Variants in AFP observed in about 807,000 individuals in gnomAD.
The protein encoded by AFP is alpha fetoprotein, also known as alpha-fetoprotein.
Under a neutral mutation model 78.9 loss-of-function variants are expected in AFP, and 64 were observed. The ratio of observed to expected loss-of-function variants is 0.81; its 90% CI spans 0.66 to 1.00. AFP has a LOEUF of 1.00. Among genes scored for constraint, AFP ranks in the 50% least tolerant of loss-of-function variants. The pLI is 0.00. For synonymous variants in AFP, 254 were observed against 243.8 expected, an observed-to-expected ratio of 1.04 and a Z score of -0.39; for missense variants, 689 against 703.8, an observed-to-expected ratio of 0.98 and a Z score of 0.24.
chr4:73,440,945 AG>A, intron 4 of AFP, 132 bp downstream of exon 4: 1 of 896,712 alleles, frequency 1.1e-6, no homozygotes, highest in Non-Finnish European at 1.7e-6. Context: ...GTGTCTGCTG[AG>A]GTCCCAGACA....
chr4:73,453,885 C>G lies in AFP; in HGVS notation c.1773C>G (p.Cys591Trp). 1 of 1,613,670 alleles carries G rather than the reference C, an allele frequency of 6.2e-7. No individual in the cohort carries two copies. Among genetic ancestry groups the G allele is most frequent in the Non-Finnish European group, 8.5e-7 (1 of 1,179,660 alleles). ...GCCAAGGCCAGGAACAGGAAGTCTGCTTTGCTGAAGAGGTACATGCAGCTC... is the reference window on the plus strand; with the variant it reads ...GCCAAGGCCAGGAACAGGAAGTCTGGTTTGCTGAAGAGGTACATGCAGCTC... The part of the protein sequence containing the change: ...KCCQGQEQEV[C>W]FAEEGQKLIS... The change falls in exon 13 of 15, where the codon TGC becomes TGG. Residue 591 changes from cysteine (C) to tryptophan (W), a missense_variant. Cys to Trp is a radical substitution (Grantham distance 215). Coordinates refer to ENST00000395792, the MANE Select transcript of AFP (RefSeq NM_001134.3).
chr4:73,444,130 G>A (rs1719753825), intron 6 of AFP, among the ~76,000 whole-genome samples: 1 of 152,044 alleles, frequency 6.6e-6, no homozygotes, highest in Non-Finnish European at 1.5e-5. Context: ...TGGAAATCTA[G>A]AATGAAGTTT....
At chr4:73,437,236 C>T (rs1560390999) in intron 2 of AFP, 25 bp downstream of exon 2, 1 of 1,561,434 alleles carries the variant, frequency 6.4e-7, no homozygotes, top group African/African-American at 1.4e-5. Context: ...TATAAATGTA[C>T]TTTAAATGTG....
chr4:73,455,010 G>A (rs940298157), intron 13 of AFP, among the ~76,000 whole-genome samples: 3 of 152,220 alleles, frequency 2.0e-5, no homozygotes, highest in East Asian at 1.9e-4. Flanking sequence ...TTGAGAATAC[G>A]CATTGATTTG....
In AFP at chr4:73,442,448, A is replaced by G. The variant is rs931224731; in HGVS notation, c.615+20A>G. 1 of 1,613,516 alleles carries G rather than the reference A, an allele frequency of 6.2e-7. No individual in the cohort carries two copies. Among genetic ancestry groups the G allele is most frequent in the Admixed American group, 1.7e-5 (1 of 60,016 alleles). ...ACAAAGGTATCATATTTGCGTGGAT[A>G]TCTGAACCAGTACTGTAGTCTATGA... On this transcript the variant is annotated intron_variant, in intron 5 of 14. Transcript: ENST00000395792.
intron 12 of AFP, 122 bp from the exon 13 acceptor site, chr4:73,453,643 A>G: frequency 9.1e-7 from 1 of 1,096,528 alleles, no homozygotes; most frequent in East Asian, 2.6e-5. Context: ...GTGTGTGGTC[A>G]GTCTGGTGAT....
chr4:73,452,675 T>A, intron 12 of AFP, 51 bp downstream of exon 12: 1 of 1,410,886 alleles, frequency 7.1e-7, no homozygotes, highest in Non-Finnish European at 9.9e-7. Flanking sequence ...CCCCAAAGAG[T>A]AACTGAGACT....
chr4:73,455,260 C>A lies in AFP; in HGVS notation c.1810C>A (p.Arg604Ser). The A allele has an allele frequency of 6.2e-7, 1 of 1,612,504 alleles. No homozygotes were observed. The highest frequency in any genetic ancestry group is 8.5e-7 in the Non-Finnish European group (1 of 1,178,920). ...GGGACAAAAACTGATTTCAAAAACT[C>A]GTGCTGCTTTGGGAGTTTAAATTAC... is the stretch of plus-strand genomic sequence containing the variant. ...EEGQKLISKT[R>S]AALGV Residue 604 changes from arginine (R) to serine (S), a missense_variant, in exon 14 of 15, where the codon CGT (arginine) becomes AGT (serine). Coordinates refer to ENST00000395792, the MANE Select transcript of AFP (RefSeq NM_001134.3).
intron 13 of AFP, among the ~76,000 whole-genome samples, chr4:73,454,808 C>A (rs1009385139): frequency 2.0e-5 from 3 of 151,872 alleles, no homozygotes; most frequent in African/African-American, 4.8e-5. Context: ...CATAGATAAC[C>A]AAATTAGATA....
intron 3 of AFP, among the ~76,000 whole-genome samples, chr4:73,438,687 G>A (rs1336480838): frequency 6.6e-6 from 1 of 152,014 alleles, no homozygotes; most frequent in African/African-American, 2.4e-5. Context: ...CACACAATGT[G>A]ACTGGCATTA....
At chr4:73,450,521 C>T in intron 10 of AFP, 94 bp from the exon 11 acceptor site, 1 of 1,565,186 alleles carries the variant, frequency 6.4e-7, no homozygotes, top group Non-Finnish European at 8.8e-7. Context: ...CTCATGTCTT[C>T]TGGCATGAGA....
Position 73,443,335 on chromosome 4 carries a change from C to T in AFP, c.616-12C>T, listed in dbSNP as rs950321629. 2.5e-6 allele frequency: 4 copies of T among 1,597,548 alleles called. No individual in the cohort carries two copies. Among genetic ancestry groups the T allele is most frequent in the Middle Eastern group, 1.7e-4 (1 of 6,038 alleles). ...ATATGCTTTCATGACATTTTGTTTCCTCTACATCTAGGCAGCAACAGTTAC... is the reference window on the plus strand; with the variant it reads ...ATATGCTTTCATGACATTTTGTTTCTTCTACATCTAGGCAGCAACAGTTAC... On this transcript the variant is annotated splice_polypyrimidine_tract_variant and intron_variant, in intron 5 of 14. Transcript: ENST00000395792.
intron 5 of AFP, among the ~76,000 whole-genome samples, chr4:73,442,883 AT>A (rs570675609): frequency 2.0e-5 from 3 of 152,034 alleles, no homozygotes; most frequent in South Asian, 2.1e-4. Context: ...AGAGAAGAAA[AT>A]TTTTTTTAGG....
At chr4:73,440,944 G>T (rs756223341) in intron 4 of AFP, 131 bp downstream of exon 4, 4 of 896,186 alleles carry the variant, frequency 4.5e-6, no homozygotes, top group Non-Finnish European at 6.7e-6. Context: ...TGTGTCTGCT[G>T]AGGTCCCAGA....
intron 5 of AFP, 58 bp from the exon 6 acceptor site, chr4:73,443,289 G>A: frequency 7.7e-7 from 1 of 1,291,752 alleles, no homozygotes. Flanking sequence ...AAATATTAGA[G>A]CTTGTAAAGA....
chr4:73,449,354 A>G lies in AFP; in HGVS notation c.1078A>G (p.Arg360Gly), dbSNP rs1719919528. 1 of 1,613,202 alleles carries G rather than the reference A, an allele frequency of 6.2e-7. No homozygotes were observed. Among genetic ancestry groups the G allele is most frequent in the Non-Finnish European group, 8.5e-7 (1 of 1,179,428 alleles). ...FLASFVHEYS[R>G]RHPQLAVSVI... The stretch of plus-strand genomic sequence containing the variant: ...TTTCAGTTTTGTTCATGAATATTCA[A>G]GAAGACATCCTCAGCTTGCTGTCTC... Residue 360 changes from arginine to glycine, a missense_variant, in exon 9 of 15, where the codon AGA becomes GGA. Coordinates refer to ENST00000395792, the MANE Select transcript of AFP (RefSeq NM_001134.3).
At position 73,444,988 on chromosome 4, in the gene AFP, C is replaced by T. The variant is rs748938017; in HGVS notation, c.714-5C>T. 1.5e-5 allele frequency: 24 copies of T among 1,602,420 alleles called. No homozygotes were observed. In the Middle Eastern group the frequency reaches 6.6e-4, roughly 44 times the overall value. On this transcript the variant is annotated splice_region_variant and splice_polypyrimidine_tract_variant and intron_variant, in intron 6 of 14. Transcript: ENST00000395792. Reference sequence around the variant, plus strand: ...ATTAATTTCTAATTTCTTTTTTTTCCCTAGAACTGTTACTAAACTGAGTCA... The same window carrying T: ...ATTAATTTCTAATTTCTTTTTTTTCTCTAGAACTGTTACTAAACTGAGTCA...
rs746621443 is a variant in AFP at position 73,449,400 on chromosome 4, AAGGATACC to A, written c.1129_1136del (p.Tyr377ValfsTer9). 1 of 1,613,604 alleles carries A rather than the reference AAGGATACC, an allele frequency of 6.2e-7. No homozygotes were observed. The highest frequency in any genetic ancestry group is 8.5e-7 in the Non-Finnish European group (1 of 1,179,652). On this transcript the variant is annotated frameshift_variant, in exon 9 of 15. Transcript: ENST00000395792. LOFTEE classifies it high-confidence loss of function. ...GTCTCAGTAATTCTAAGAGTTGCTAAAGGATACCAGGAGTTATTGGAGAAGTGTTTCCA... is the reference window on the plus strand; with the variant it reads ...GTCTCAGTAATTCTAAGAGTTGCTAAAGGAGTTATTGGAGAAGTGTTTCCA...
At chr4:73,438,444 C>G in intron 3 of AFP, 138 bp downstream of exon 3, 1 of 1,006,430 alleles carries the variant, frequency 9.9e-7, no homozygotes, top group Non-Finnish European at 1.5e-6. Flanking sequence ...TAGATTCATT[C>G]TGAATTGCTA....
Sources: gnomAD v4.1 joint callset for allele counts (sites outside exome capture counted in the v4.1 genomes callset) on GRCh38, gnomAD v4.1.1 for gene constraint, MANE v1.5 for transcripts, NCBI Gene and HGNC (gene_info 2026-07-23, HGNC 2026-07-21) for gene names.